Variants in SBNO1 observed in about 807,000 individuals in gnomAD.
SBNO1 encodes strawberry notch homolog 1.
A neutral mutation model predicts 173.6 loss-of-function variants in SBNO1; 23 were observed. The ratio of observed to expected loss-of-function variants is 0.13; its 90% CI spans 0.10 to 0.19. The LOEUF (loss-of-function observed/expected upper bound fraction) is 0.19. Ranked by LOEUF, SBNO1 falls within the 10% of genes least tolerant of loss-of-function variation. The pLI is 1.00. For synonymous variants in SBNO1, 632 were observed against 571.5 expected (o/e 1.11, Z -1.51); for missense variants, 1,238 against 1,671.2 (o/e 0.74, Z 4.52).
At chr12:123,349,231 C>G (rs951077609) in intron 2 of SBNO1, 2 of 152,090 alleles carry the variant, frequency 1.3e-5, no homozygotes, top group Admixed American at 6.6e-5. Flanking sequence ...TCCTGGGTAG[C>G]TGGGACATCA....
intron 31 of SBNO1, among the ~76,000 whole-genome samples, chr12:123,297,195 A>G (rs913147051): frequency 9.3e-5 from 14 of 150,982 alleles, no homozygotes; most frequent in Non-Finnish European, 1.8e-4. Context: ...ACCCATCTCC[A>G]CTAAAAAAAT....
At chr12:123,340,939 T>G in intron 5 of SBNO1, 49 bp downstream of exon 5, 1 of 1,146,216 alleles carries the variant, frequency 8.7e-7, no homozygotes, top group Non-Finnish European at 1.3e-6. Flanking sequence ...TTTAGTTGAG[T>G]ACACTCTCAT....
intron 1 of SBNO1, among the ~76,000 whole-genome samples, chr12:123,362,249 A>T (rs534232989): frequency 2.3e-4 from 35 of 151,792 alleles, no homozygotes; most frequent in African/African-American, 8.0e-4. Flanking sequence ...ATCCTGGCTA[A>T]CATGGTGAAA....
At chr12:123,333,795 G>T (rs1434630597) in intron 7 of SBNO1, among the ~76,000 whole-genome samples, 2 of 152,030 alleles carry the variant, frequency 1.3e-5, no homozygotes, top group Non-Finnish European at 2.9e-5. Context: ...ACTGTGCCTG[G>T]TCGATATACA....
intron 8 of SBNO1, 123 bp downstream of exon 8, chr12:123,331,119 C>G (rs578189554): frequency 2.2e-6 from 2 of 912,828 alleles, no homozygotes; most frequent in Non-Finnish European, 1.7e-6. Context: ...CCCACCATGA[C>G]GACCGGCTGA....
intron 16 of SBNO1, among the ~76,000 whole-genome samples, 195 bp from the exon 17 acceptor site, chr12:123,321,927 T>A (rs1215260259): frequency 6.6e-6 from 1 of 152,198 alleles, no homozygotes; most frequent in Non-Finnish European, 1.5e-5. Flanking sequence ...TTATAAACAT[T>A]TATTCTGAAG....
intron 7 of SBNO1, among the ~76,000 whole-genome samples, chr12:123,332,140 C>T (rs1028539545): frequency 6.6e-6 from 1 of 152,072 alleles, no homozygotes; most frequent in South Asian, 2.1e-4. Context: ...CGAGTCACCG[C>T]GCCCAGCTCA....
At position 123,309,418 on chromosome 12, in the gene SBNO1, C is replaced by T. The variant is rs753071578; in HGVS notation, c.3538-16G>A. The T allele has an allele frequency of 1.2e-5, 20 of 1,610,348 alleles. No homozygotes were observed. Among genetic ancestry groups the T allele is most frequent in the Non-Finnish European group, 1.4e-5 (17 of 1,176,662 alleles). ...CTACACTAATCTGTAAGAGAAACAA[C>T]GAAATTTAAACTCATTTCTGTAAAT... On this transcript the variant is annotated splice_polypyrimidine_tract_variant and intron_variant, in intron 27 of 31. Transcript: ENST00000602398.
At chr12:123,364,612 TGGCCCCGCAC>T in intron 1 of SBNO1, 79 bp downstream of exon 1, 1 of 943,978 alleles carries the variant, frequency 1.1e-6, no homozygotes, top group Non-Finnish European at 1.2e-6. Flanking sequence ...CCCCCCAGCC[TGGCCCCGCAC>T]GGCCCCCCGA....
intron 30 of SBNO1, 104 bp from the exon 31 acceptor site, chr12:123,298,275 T>G: frequency 8.3e-7 from 1 of 1,202,902 alleles, no homozygotes; most frequent in Middle Eastern, 2.0e-4. Flanking sequence ...CTTTTCTTTT[T>G]TTTTTGTTGA....
At chr12:123,335,170 T>C (rs1329015717) in intron 6 of SBNO1, among the ~76,000 whole-genome samples, 1 of 152,172 alleles carries the variant, frequency 6.6e-6, no homozygotes, top group Non-Finnish European at 1.5e-5. Flanking sequence ...CTGGGCATGG[T>C]GGCTCACGCC....
At position 123,331,356 on chromosome 12, in the gene SBNO1, G is replaced by C; in HGVS notation, c.929C>G (p.Pro310Arg). Reference sequence around the variant, plus strand: ...TAAGAAGCCAGCACGATCTCCATTAGGTAGGAAAGTTTCATGTTGCTGAAA... The same window carrying C: ...TAAGAAGCCAGCACGATCTCCATTACGTAGGAAAGTTTCATGTTGCTGAAA... ...YAAQQHETFL[P>R]NGDRAGFLIG... Residue 310 changes from proline to arginine, a missense_variant, in exon 8 of 32, where the codon CCT (proline) becomes CGT (arginine). Pro to Arg is a moderately radical substitution (Grantham distance 103). Coordinates refer to ENST00000602398, the MANE Select transcript of SBNO1 (RefSeq NM_001167856.3). 1.9e-6 allele frequency: 3 copies of C among 1,613,672 alleles called. No individual in the cohort carries two copies. The highest frequency in any genetic ancestry group is 1.7e-6 in the Non-Finnish European group (2 of 1,179,796).
chr12:123,319,591 T>A (rs1010903925), intron 20 of SBNO1, among the ~76,000 whole-genome samples: 1 of 151,988 alleles, frequency 6.6e-6, no homozygotes, highest in African/African-American at 2.4e-5. Flanking sequence ...GTATTTTCAG[T>A]AGAGACGGGG....
chr12:123,297,299 C>T (rs2048631183), intron 31 of SBNO1, among the ~76,000 whole-genome samples: 1 of 127,046 alleles, frequency 7.9e-6, no homozygotes, highest in Non-Finnish European at 1.6e-5. Context: ...CACTGCACTC[C>T]AGCCTGGGCG....
At chr12:123,344,603 C>T (rs766085760) in intron 4 of SBNO1, among the ~76,000 whole-genome samples, 7 of 152,158 alleles carry the variant, frequency 4.6e-5, no homozygotes, top group Non-Finnish European at 7.4e-5. Context: ...CCCAACAACA[C>T]TTTGGGAGGC....
intron 2 of SBNO1, among the ~76,000 whole-genome samples, chr12:123,348,798 A>C (rs1053492379): frequency 1.1e-4 from 16 of 151,482 alleles, no homozygotes; most frequent in African/African-American, 1.7e-4. Context: ...AAATAACTAA[A>C]TAAATAAAAA....
chr12:123,359,743 TC>T (rs1874910325), intron 1 of SBNO1, among the ~76,000 whole-genome samples: 1 of 152,136 alleles, frequency 6.6e-6, no homozygotes. Flanking sequence ...AAAAGAGAAT[TC>T]CTGATCTTTA....
At chr12:123,354,458 A>T (rs1386615057) in intron 1 of SBNO1, among the ~76,000 whole-genome samples, 1 of 152,162 alleles carries the variant, frequency 6.6e-6, no homozygotes, top group Non-Finnish European at 1.5e-5. Context: ...AACGGGCACA[A>T]ATTCTCTATT....
chr12:123,307,667 T>C (rs1033909736), intron 28 of SBNO1, among the ~76,000 whole-genome samples: 2 of 152,234 alleles, frequency 1.3e-5, no homozygotes, highest in Non-Finnish European at 2.9e-5. Flanking sequence ...GGTTCACACC[T>C]GTAATCCCAG....
Sources: gnomAD v4.1 joint callset for allele counts (sites outside exome capture counted in the v4.1 genomes callset) on GRCh38, gnomAD v4.1.1 for gene constraint, MANE v1.5 for transcripts, NCBI Gene and HGNC (gene_info 2026-07-23, HGNC 2026-07-21) for gene names.